The following GSG1L variants were observed in gnomAD, a reference collection of about 807,000 sequenced individuals.
GSG1L encodes the protein GSG1 like, also known as germ cell-specific gene 1-like protein.
Under a neutral mutation model 42.1 loss-of-function variants are expected in GSG1L, and 24 were observed. The ratio of observed to expected loss-of-function variants is 0.57; its 90% CI spans 0.41 to 0.80. The LOEUF (loss-of-function observed/expected upper bound fraction) is 0.80, where lower values mean the gene tolerates loss of function less well. Ranked by LOEUF, GSG1L falls within the 30% of genes least tolerant of loss-of-function variation. GSG1L has a pLI of 0.00. For missense variants in GSG1L, 445 were observed against 472.2 expected (o/e 0.94, Z 0.53); for synonymous variants, 215 against 203.5 (o/e 1.06, Z -0.48).
At chr16:27,881,529 C>T (rs1032250907) in intron 3 of GSG1L, among the ~76,000 whole-genome samples, 23 of 151,986 alleles carry the variant, frequency 1.5e-4, no homozygotes, top group African/African-American at 5.6e-4. Context: ...CATGAGCAAC[C>T]GCACCCGGCC....
Position 27,993,268 on chromosome 16 carries a change from C to T in GSG1L, c.350-30065G>A, listed in dbSNP as rs560048326. ...GGCTCAAGCAATTCTCATGCCTCAG[C>T]CTCCCAAGTAGACAGGACTACAGGC... On this transcript the variant is annotated intron_variant, in intron 1 of 6. Coordinates refer to ENST00000447459, the MANE Select transcript of GSG1L (RefSeq NM_001109763.2). 9.0e-4 allele frequency among the ~76,000 whole-genome samples: 137 copies of T among 152,220 alleles called. 1 individual carries two copies. Among genetic ancestry groups the T allele is most frequent in the African/African-American group, 3.1e-3 (127 of 41,524 alleles).
intron 2 of GSG1L, among the ~76,000 whole-genome samples, chr16:27,885,025 CAG>C (rs2084011145): frequency 6.6e-6 from 1 of 152,162 alleles, no homozygotes; most frequent in African/African-American, 2.4e-5. Flanking sequence ...GACCAATCAC[CAG>C]CCCTCGGAGC....
At position 27,918,683 on chromosome 16, in the gene GSG1L, G is replaced by T. The variant is rs183470437; in HGVS notation, c.398-34045C>A. On this transcript the variant is annotated intron_variant, in intron 2 of 6. Transcript: ENST00000447459. ...CAAAAAAAAGAAAAAAAAAAAGAAA[G>T]AAAAAGAAAAAAAAGAATAAAGAAG... is the stretch of plus-strand genomic sequence containing the variant. 5.3e-4 allele frequency among the ~76,000 whole-genome samples: 80 copies of T among 150,556 alleles called. 1 individual carries two copies. The highest frequency in any genetic ancestry group is 1.9e-3 in the African/African-American group (79 of 41,046).
chr16:27,859,837 A>G (rs1354441391), intron 3 of GSG1L, among the ~76,000 whole-genome samples: 3 of 148,470 alleles, frequency 2.0e-5, no homozygotes, highest in Non-Finnish European at 4.4e-5. Flanking sequence ...CACCATGCCC[A>G]GCTATTTTTT....
intron 3 of GSG1L, among the ~76,000 whole-genome samples, chr16:27,870,033 C>G (rs1409267498): frequency 6.8e-6 from 1 of 147,322 alleles, no homozygotes; most frequent in Non-Finnish European, 1.5e-5. Flanking sequence ...CTCCATCTCT[C>G]TGTCTCCTTC....
chr16:28,032,761 C>T (rs1240373039), intron 1 of GSG1L, among the ~76,000 whole-genome samples: 1 of 152,204 alleles, frequency 6.6e-6, no homozygotes, highest in African/African-American at 2.4e-5. Flanking sequence ...CTTCCCCTCT[C>T]ACTCCACATC....
intron 2 of GSG1L, among the ~76,000 whole-genome samples, chr16:27,948,275 TAGTGTAACAGC>T (rs2084907968): frequency 6.6e-6 from 1 of 152,170 alleles, no homozygotes; most frequent in Admixed American, 6.5e-5. Context: ...ATCCATAACC[TAGTGTAACAGC>T]AGTACAACCT....
rs975554254 is a variant in GSG1L, at chr16:27,787,779, C to T, written c.*3591G>A. On this transcript the variant is annotated 3_prime_UTR_variant, in exon 7 of 7. Coordinates refer to ENST00000447459, the MANE Select transcript of GSG1L (RefSeq NM_001109763.2). ...GGTCCACTCGCCAACTTCAGAAGGACCCTGGGTGAGAACAAGAGCTCCTAG... is the reference window on the plus strand; with the variant it reads ...GGTCCACTCGCCAACTTCAGAAGGATCCTGGGTGAGAACAAGAGCTCCTAG... 6.6e-6 allele frequency: 1 copy of T among 152,190 alleles called. No individual in the cohort carries two copies. The highest frequency in any genetic ancestry group is 1.5e-5 in the Non-Finnish European group (1 of 68,040). 9.4% of individuals were successfully genotyped at this position (152,190 alleles called of 1,614,324 possible).
chr16:27,812,585 A>G (rs1294339988), intron 5 of GSG1L, among the ~76,000 whole-genome samples: 3 of 152,128 alleles, frequency 2.0e-5, no homozygotes, highest in South Asian at 2.1e-4. Flanking sequence ...GCTTGGCTGC[A>G]CAGTGAAGCC....
At chr16:27,933,107 A>C (rs1307129878) in intron 2 of GSG1L, among the ~76,000 whole-genome samples, 2 of 152,086 alleles carry the variant, frequency 1.3e-5, no homozygotes, top group Non-Finnish European at 2.9e-5. Context: ...GTAAAAACAC[A>C]TACAAGCAGA....
At chr16:27,902,825 C>G (rs1489897026) in intron 2 of GSG1L, among the ~76,000 whole-genome samples, 1 of 152,186 alleles carries the variant, frequency 6.6e-6, no homozygotes, top group East Asian at 1.9e-4. Flanking sequence ...GCTTTAGTGA[C>G]ACATGCGGGA....
rs2084072266 is a variant in GSG1L at position 27,888,487 on chromosome 16, CTTTCTTTCTTTCTTTCTTTCTTT to C, written c.398-3872_398-3850del. ...TTCTCTCTCTCTCTCTCTTTCCTTT[CTTTCTTTCTTTCTTTCTTTCTTT>C]CTTTCTTTCTTTCTTTCTTTCTTTC... On this transcript the variant is annotated intron_variant, in intron 2 of 6. Transcript: ENST00000447459. Among the ~76,000 whole-genome samples, 31 of 13,126 alleles carry C rather than the reference CTTTCTTTCTTTCTTTCTTTCTTT, an allele frequency of 2.4e-3. 4 individuals are homozygous for C. The highest frequency in any genetic ancestry group is 5.5e-3 in the African/African-American group (15 of 2,708). 8.6% of individuals were successfully genotyped at this position (13,126 alleles called of 152,430 possible). A position where few individuals can be genotyped will look rare whatever the true frequency, so the allele number is the denominator to read the frequency against.
intron 1 of GSG1L, among the ~76,000 whole-genome samples, chr16:27,971,409 TTATGA>T (rs55974250): frequency 0.15 from 22,113 of 152,100 alleles, 1,779 homozygotes; most frequent in South Asian, 0.25. Flanking sequence ...TTTGATGCTA[TTATGA>T]ATGGAATTGT....
chr16:27,940,604 C>T (rs1333923827), intron 2 of GSG1L, among the ~76,000 whole-genome samples: 1 of 99,954 alleles, frequency 1.0e-5, no homozygotes, highest in Non-Finnish European at 2.3e-5. Flanking sequence ...ATCGCAAGAA[C>T]AAAAAACCAA....
chr16:27,794,261 T>G (rs1475111364), intron 6 of GSG1L, among the ~76,000 whole-genome samples: 1 of 151,922 alleles, frequency 6.6e-6, no homozygotes, highest in Non-Finnish European at 1.5e-5. Context: ...CAGGTTATCT[T>G]CCCGCCTCAG....
chr16:27,842,598 G>T (rs2140981149), intron 4 of GSG1L, among the ~76,000 whole-genome samples: 1 of 152,126 alleles, frequency 6.6e-6, no homozygotes, highest in South Asian at 2.1e-4. Context: ...AGGAACAGCT[G>T]CAGGGGGAAG....
chr16:27,820,335 G>T (rs1249361159), intron 5 of GSG1L, among the ~76,000 whole-genome samples: 2 of 152,148 alleles, frequency 1.3e-5, no homozygotes, highest in Non-Finnish European at 2.9e-5. Context: ...GACGGCGTCG[G>T]CACACAGGAC....
Position 27,960,673 on chromosome 16 carries a change from G to A in GSG1L, c.397+2483C>T, listed in dbSNP as rs537639363. 1.2e-4 allele frequency among the ~76,000 whole-genome samples: 19 copies of A among 152,264 alleles called. 1 individual carries two copies. Among genetic ancestry groups the A allele is most frequent in the African/African-American group, 3.4e-4 (14 of 41,550 alleles). Reference sequence around the variant, plus strand: ...AAATGGATGGGTCTGAGGGTGCCACGTTACTGCGGGTGTCTACTGGAAGGG... The same window carrying A: ...AAATGGATGGGTCTGAGGGTGCCACATTACTGCGGGTGTCTACTGGAAGGG... On this transcript the variant is annotated intron_variant, in intron 2 of 6. Coordinates refer to ENST00000447459, the MANE Select transcript of GSG1L (RefSeq NM_001109763.2).
intron 6 of GSG1L, among the ~76,000 whole-genome samples, chr16:27,794,614 A>G (rs1269813792): frequency 6.6e-6 from 1 of 152,176 alleles, no homozygotes; most frequent in Non-Finnish European, 1.5e-5. Flanking sequence ...TACAGGCTTG[A>G]GCCACCGCGC....
Sources: allele counts gnomAD v4.1 joint callset (sites outside exome capture counted in the v4.1 genomes callset), GRCh38; gene constraint gnomAD v4.1.1; transcripts MANE v1.5; gene names NCBI Gene and HGNC (gene_info 2026-07-23, HGNC 2026-07-21).